Variants in PTPRZ1 observed in about 807,000 individuals in gnomAD.
PTPRZ1 encodes protein tyrosine phosphatase receptor type Z1, also known as receptor-type tyrosine-protein phosphatase zeta.
PTPRZ1 carries 82 observed loss-of-function variants against 214.1 expected under a neutral mutation model. That is an observed-to-expected ratio of 0.38 (90% confidence interval 0.32 to 0.46). The LOEUF is 0.46. Among genes scored for constraint, PTPRZ1 ranks in the 20% least tolerant of loss-of-function variants. PTPRZ1 has a pLI of 1.00. For synonymous variants in PTPRZ1, 945 were observed against 987.9 expected (o/e 0.96, Z 0.81); for missense variants, 2,603 against 2,748.7 (o/e 0.95, Z 1.19).
intron 2 of PTPRZ1, among the ~76,000 whole-genome samples, chr7:121,943,617 C>A (rs568116800): frequency 6.6e-6 from 1 of 152,250 alleles, no homozygotes; most frequent in South Asian, 2.1e-4. Context: ...GGATTACAGG[C>A]GTGAGCCACT....
intron 1 of PTPRZ1, among the ~76,000 whole-genome samples, chr7:121,914,752 T>G (rs1213892400): frequency 6.6e-6 from 1 of 152,152 alleles, no homozygotes. Context: ...AATAATATCC[T>G]CAATGCCTTT....
intron 21 of PTPRZ1, among the ~76,000 whole-genome samples, chr7:122,041,929 G>A (rs1483684593): frequency 6.6e-6 from 1 of 152,222 alleles, no homozygotes; most frequent in African/African-American, 2.4e-5. Flanking sequence ...AGCAAACGGA[G>A]AAGGACCAGG....
intron 8 of PTPRZ1, among the ~76,000 whole-genome samples, chr7:121,990,838 G>T (rs1797938656): frequency 6.6e-6 from 1 of 152,094 alleles, no homozygotes; most frequent in Non-Finnish European, 1.5e-5. Context: ...CTGTTTGTTT[G>T]TTTGTTTTTT....
intron 23 of PTPRZ1, 63 bp from the exon 24 acceptor site, chr7:122,051,365 G>A: frequency 2.8e-6 from 3 of 1,053,812 alleles, no homozygotes; most frequent in Non-Finnish European, 4.4e-6. Flanking sequence ...ATGTATGTGT[G>A]TGTGTGTGTA....
At chr7:121,914,539 T>C (rs1795363523) in intron 1 of PTPRZ1, among the ~76,000 whole-genome samples, 1 of 152,190 alleles carries the variant, frequency 6.6e-6, no homozygotes, top group Non-Finnish European at 1.5e-5. Context: ...ACAGTGGCAT[T>C]AAGCCATGAA....
chr7:121,965,276 T>C (rs1797011908), intron 2 of PTPRZ1, among the ~76,000 whole-genome samples: 1 of 152,212 alleles, frequency 6.6e-6, no homozygotes, highest in Non-Finnish European at 1.5e-5. Flanking sequence ...GGGGTCCTCT[T>C]CCAAATTCAC....
rs1205784437 is a variant in PTPRZ1, at chr7:122,059,734, T to C, written c.6672-19T>C. The C allele has an allele frequency of 5.0e-6, 8 of 1,585,302 alleles. No homozygotes were observed. Among genetic ancestry groups the C allele is most frequent in the Non-Finnish European group, 6.0e-6 (7 of 1,171,224 alleles). ...ATCTCAATGGAGTCTTTGTTCCTTT[T>C]CTTTTTTTTTTTTACAAGGCATGGA... On this transcript the variant is annotated intron_variant, in intron 28 of 29. Coordinates refer to ENST00000393386, the MANE Select transcript of PTPRZ1 (RefSeq NM_002851.3).
Position 122,034,445 on chromosome 7 carries a change from C to T in PTPRZ1, c.5284+67C>T. ...CCATTTTGGTGCCTTTTAAAAGTGT[C>T]CTGAAGTCATCTGAGAGCTGACCTT... On this transcript the variant is annotated intron_variant, in intron 17 of 29. Coordinates refer to ENST00000393386, the MANE Select transcript of PTPRZ1 (RefSeq NM_002851.3). The T allele has an allele frequency of 5.6e-6, 8 of 1,436,412 alleles. No homozygotes were observed. In the South Asian group the frequency reaches 5.9e-5, roughly 11 times the overall value. 89.0% of individuals were successfully genotyped at this position (1,436,412 alleles called of 1,614,324 possible). A position where few individuals can be genotyped will look rare whatever the true frequency, so the allele number is the denominator to read the frequency against.
intron 29 of PTPRZ1, among the ~76,000 whole-genome samples, chr7:122,060,570 C>G (rs1435379204): frequency 6.6e-6 from 1 of 152,122 alleles, no homozygotes; most frequent in Non-Finnish European, 1.5e-5. Context: ...CATAGCAGGG[C>G]ATAGGACCAG....
intron 6 of PTPRZ1, among the ~76,000 whole-genome samples, chr7:121,978,572 A>G (rs1797512024): frequency 6.6e-6 from 1 of 152,154 alleles, no homozygotes; most frequent in South Asian, 2.1e-4. Flanking sequence ...CACTATCATG[A>G]GAACAGCATG....
intron 1 of PTPRZ1, among the ~76,000 whole-genome samples, chr7:121,886,113 A>G (rs901848120): frequency 1.3e-5 from 2 of 152,152 alleles, no homozygotes; most frequent in African/African-American, 2.4e-5. Flanking sequence ...TGATTGCGCT[A>G]CTGGGGAAAA....
At chr7:121,966,026 A>C (rs1797037358) in intron 2 of PTPRZ1, among the ~76,000 whole-genome samples, 1 of 152,150 alleles carries the variant, frequency 6.6e-6, no homozygotes, top group Non-Finnish European at 1.5e-5. Flanking sequence ...GGGTGGTAAT[A>C]GTAGAGATAA....
chr7:122,011,297 C>A lies in PTPRZ1; in HGVS notation c.2251C>A (p.Pro751Thr). Residue 751 changes from proline (P) to threonine (T), a missense_variant, in exon 12 of 30, where the codon CCG becomes ACG. By Grantham distance (38) the Pro-to-Thr change is conservative (BLOSUM62 -1). Coordinates refer to ENST00000393386, the MANE Select transcript of PTPRZ1 (RefSeq NM_002851.3). ...CGTGGTATACTCGCAGACAACCCAA[C>A]CGGTATACAATGGTGAGACACCTCT... ...VNVVYSQTTQ[P>T]VYNGETPLQP... 6.2e-7 allele frequency: 1 copy of A among 1,614,120 alleles called. No individual in the cohort carries two copies. The highest frequency in any genetic ancestry group is 1.1e-5 in the South Asian group (1 of 91,082).
In PTPRZ1 at chr7:122,013,588, G is replaced by A. The variant is rs778135169; in HGVS notation, c.4542G>A (p.Lys1514=). The A allele has an allele frequency of 1.2e-6, 2 of 1,614,184 alleles. No individual in the cohort carries two copies. Among genetic ancestry groups the A allele is most frequent in the South Asian group, 1.1e-5 (1 of 91,084 alleles). The change falls in exon 12 of 30, where the codon AAG becomes AAA. Residue 1514 remains lysine (K), a synonymous_variant. Transcript: ENST00000393386. ...KSPSANGLSQ[K]HNDGKEENDI... ...CATCAGCAAATGGGCTATCCCAAAAGCACAATGATGGAAAAGAGGAAAATG... is the reference window on the plus strand; with the variant it reads ...CATCAGCAAATGGGCTATCCCAAAAACACAATGATGGAAAAGAGGAAAATG...
chr7:121,966,159 A>G (rs1797041715), intron 2 of PTPRZ1, among the ~76,000 whole-genome samples: 1 of 152,198 alleles, frequency 6.6e-6, no homozygotes, highest in South Asian at 2.1e-4. Context: ...GAAGGAGCTT[A>G]TTTCAGAGCA....
intron 2 of PTPRZ1, among the ~76,000 whole-genome samples, chr7:121,965,198 G>A (rs543589381): frequency 1.7e-4 from 26 of 152,104 alleles, no homozygotes; most frequent in Admixed American, 3.9e-4. Flanking sequence ...GAGGAGGAAG[G>A]GCTGCTTAGC....
intron 22 of PTPRZ1, among the ~76,000 whole-genome samples, chr7:122,043,846 T>C (rs1226734292): frequency 6.6e-6 from 1 of 152,114 alleles, no homozygotes; most frequent in Non-Finnish European, 1.5e-5. Context: ...TGAAATAGTC[T>C]ATACAACAAA....
At chr7:121,919,815 A>C (rs1795538066) in intron 1 of PTPRZ1, among the ~76,000 whole-genome samples, 1 of 151,196 alleles carries the variant, frequency 6.6e-6, no homozygotes, top group African/African-American at 2.4e-5. Context: ...TCTGTCTATC[A>C]ATTCATTTTT....
chr7:122,012,192 G>A lies in PTPRZ1; in HGVS notation c.3146G>A (p.Gly1049Glu). 1.2e-6 allele frequency: 2 copies of A among 1,613,866 alleles called. No homozygotes were observed. The highest frequency in any genetic ancestry group is 1.7e-6 in the Non-Finnish European group (2 of 1,179,800). ...CTTTCTAAAAGTGAAATAATATATG[G>A]AAATGAGACTGAACTGCAAATTCCT... is the stretch of plus-strand genomic sequence containing the variant. The part of the protein sequence containing the change: ...KALSKSEIIY[G>E]NETELQIPSF... The change falls in exon 12 of 30, where the codon GGA becomes GAA. Residue 1049 changes from glycine (G) to glutamate (E), a missense_variant. Physicochemically the swap from Gly to Glu is moderately conservative, Grantham distance 98. This residue lies in a region of PTPRZ1 where 1,913 missense variants were observed against 1,914.3 expected (regional missense o/e 1.00). Transcript: ENST00000393386.
Sources: gnomAD v4.1 joint callset for allele counts (sites outside exome capture counted in the v4.1 genomes callset) on GRCh38, gnomAD v4.1.1 for gene constraint, gnomAD v4.1.1 regional missense constraint, MANE v1.5 for transcripts, NCBI Gene and HGNC (gene_info 2026-07-23, HGNC 2026-07-21) for gene names.